Variants in MARCHF10 observed in about 807,000 individuals in gnomAD.
The protein encoded by MARCHF10 is membrane associated ring-CH-type finger 10.
Under a neutral mutation model 76.2 loss-of-function variants are expected in MARCHF10, and 64 were observed. The observed-to-expected ratio is 0.84, with a 90% CI of 0.69 to 1.03. The LOEUF (loss-of-function observed/expected upper bound fraction) is 1.03, where lower values mean the gene tolerates loss of function less well. MARCHF10 is among the 50% of genes least tolerant of loss of function. The pLI is 0.00. For missense variants in MARCHF10, 875 were observed against 958.0 expected, an observed-to-expected ratio of 0.91 and a Z score of 1.14; for synonymous variants, 340 against 357.5, an observed-to-expected ratio of 0.95 and a Z score of 0.55.
chr17:62,760,624 C>T (rs747900165), intron 3 of MARCHF10, among the ~76,000 whole-genome samples: 18 of 152,136 alleles, frequency 1.2e-4, no homozygotes, highest in African/African-American at 2.4e-4. Flanking sequence ...GCCATGCCGA[C>T]GCAATAAAAA....
At chr17:62,753,952 C>A (rs2091968818) in intron 4 of MARCHF10, among the ~76,000 whole-genome samples, 1 of 152,214 alleles carries the variant, frequency 6.6e-6, no homozygotes, top group Non-Finnish European at 1.5e-5. Context: ...TGGTATCATA[C>A]ACCCTGGGAC....
rs746789928 is a variant in MARCHF10, at chr17:62,711,299, G to C, written c.2260C>G (p.Leu754Val). ...MNSGLYLVLL[L>V]HLYEQRFAEL... Reference sequence around the variant, plus strand: ...GCAAACCTCTGCTCATAGAGGTGAAGCAGCAGCACCAGGTACAAGCCTGAA... The same window carrying C: ...GCAAACCTCTGCTCATAGAGGTGAACCAGCAGCACCAGGTACAAGCCTGAA... Residue 754 changes from leucine to valine, a missense_variant, in exon 9 of 11, where the codon CTT becomes GTT. Transcript: ENST00000311269. This position sits in a 1 kb window ranked among gnomAD's most constrained non-coding sequence, Gnocchi z 4.4. The C allele has an allele frequency of 6.2e-7, 1 of 1,614,164 alleles. No homozygotes were observed. The highest frequency in any genetic ancestry group is 2.2e-5 in the East Asian group (1 of 44,884).
chr17:62,777,713 CAAAAAAAAAAAAAAG>C (rs1479194150), intron 3 of MARCHF10, among the ~76,000 whole-genome samples: 1 of 59,664 alleles, frequency 1.7e-5, no homozygotes, highest in Non-Finnish European at 3.1e-5. Flanking sequence ...GACTCCATCT[CAAAAAAAAAAAAAAG>C]AAAAAAAAAA....
chr17:62,708,339 G>C (rs957436172), intron 9 of MARCHF10, among the ~76,000 whole-genome samples: 2 of 151,162 alleles, frequency 1.3e-5, no homozygotes, highest in Non-Finnish European at 2.9e-5. Flanking sequence ...TCTGCCTCCC[G>C]GGTTCACGCC....
At chr17:62,764,034 G>T (rs957115612) in intron 3 of MARCHF10, among the ~76,000 whole-genome samples, 1 of 152,148 alleles carries the variant, frequency 6.6e-6, no homozygotes, top group Non-Finnish European at 1.5e-5. Context: ...GTGAGGTAAT[G>T]ACATCATGGT....
Position 62,712,286 on chromosome 17 carries a change from C to T in MARCHF10, c.2215-942G>A, listed in dbSNP as rs1423396880. 6.6e-6 allele frequency among the ~76,000 whole-genome samples: 1 copy of T among 152,260 alleles called. No homozygotes were observed. Among genetic ancestry groups the T allele is most frequent in the South Asian group, 2.1e-4 (1 of 4,832 alleles). ...GCAGAGGGCATGGCCCCTTCCGTCA[C>T]CCTTGGGAAAGCTTGCAACTGTGAC... On this transcript the variant is annotated intron_variant, in intron 8 of 10. Transcript: ENST00000311269. The surrounding 1 kb of genome is among the most constrained non-coding windows in gnomAD (Gnocchi z 4.2).
At chr17:62,792,710 A>AACCATCACCACCACCACC (rs1481023675) in intron 2 of MARCHF10, among the ~76,000 whole-genome samples, 3 of 80,352 alleles carry the variant, frequency 3.7e-5, no homozygotes, top group Non-Finnish European at 7.8e-5. Flanking sequence ...CCATCACTAC[A>AACCATCACCACCACCACC]ACCATCACCA....
intron 5 of MARCHF10, among the ~76,000 whole-genome samples, chr17:62,743,862 C>T (rs929141836): frequency 3.9e-5 from 6 of 152,186 alleles, no homozygotes; most frequent in Non-Finnish European, 5.9e-5. Context: ...ACATCATGAT[C>T]TCTCTGAGTT....
At position 62,768,143 on chromosome 17, in the gene MARCHF10, T is replaced by C. The variant is rs185631819; in HGVS notation, c.211-8137A>G. Among the ~76,000 whole-genome samples the C allele has an allele frequency of 2.0e-5, 3 of 152,344 alleles. No individual in the cohort carries two copies. In the East Asian group the frequency reaches 5.8e-4, roughly 29 times the overall value. ...CCAGGACTGTCACGTGTGCAAGAGA[T>C]ACACTTTTATCTTGTCGACTGAGCC... On this transcript the variant is annotated intron_variant, in intron 3 of 10. Coordinates refer to ENST00000311269, the MANE Select transcript of MARCHF10 (RefSeq NM_152598.4).
At chr17:62,702,568 A>G (rs1042571622) in intron 10 of MARCHF10, among the ~76,000 whole-genome samples, 1 of 152,144 alleles carries the variant, frequency 6.6e-6, no homozygotes, top group East Asian at 1.9e-4. Context: ...TAGGAGGTTG[A>G]GGCAGGAGAA....
intron 4 of MARCHF10, among the ~76,000 whole-genome samples, chr17:62,758,195 T>A (rs2092100052): frequency 6.6e-6 from 1 of 152,152 alleles, no homozygotes; most frequent in South Asian, 2.1e-4. Context: ...AGATCAGAAG[T>A]TCGAGACCAG....
intron 2 of MARCHF10, among the ~76,000 whole-genome samples, chr17:62,790,795 A>C (rs929165727): frequency 6.6e-6 from 1 of 152,188 alleles, no homozygotes; most frequent in Non-Finnish European, 1.5e-5. Context: ...ATACTAACAA[A>C]ACATTTACTC....
At chr17:62,807,627 G>A (rs1195049577) in intron 1 of MARCHF10, among the ~76,000 whole-genome samples, 1 of 152,098 alleles carries the variant, frequency 6.6e-6, no homozygotes, top group African/African-American at 2.4e-5. Context: ...AGCCAGACAT[G>A]GTGTTGGCCT....
intron 9 of MARCHF10, among the ~76,000 whole-genome samples, chr17:62,707,790 T>C (rs1249740723): frequency 6.6e-6 from 1 of 152,248 alleles, no homozygotes; most frequent in African/African-American, 2.4e-5. Context: ...AAGGAGTGTC[T>C]TAATCATCTT....
In MARCHF10 at chr17:62,705,202, A is replaced by T. The variant is rs1009711028; in HGVS notation, c.2371+337T>A. On this transcript the variant is annotated intron_variant, in intron 10 of 10. Transcript: ENST00000311269. ...CTAGAGGAATCCTGGCAGTAAAAAA[A>T]CCAACCCCCAAACTCTCCAAGTGCT... The T allele has an allele frequency of 4.8e-6, 6 of 1,244,538 alleles. No individual in the cohort carries two copies. In the Admixed American group the frequency reaches 2.0e-4, roughly 42 times the overall value. 77.1% of individuals were successfully genotyped at this position (1,244,538 alleles called of 1,614,324 possible).
intron 3 of MARCHF10, among the ~76,000 whole-genome samples, chr17:62,779,244 G>A (rs555821579): frequency 3.9e-5 from 6 of 152,290 alleles, no homozygotes; most frequent in Admixed American, 2.0e-4. Flanking sequence ...GTGTGCATGC[G>A]CGACCTGCCT....
intron 3 of MARCHF10, among the ~76,000 whole-genome samples, chr17:62,787,368 A>C (rs1357316672): frequency 6.6e-6 from 1 of 152,166 alleles, no homozygotes. Context: ...GATTGATATC[A>C]CGTATTCAGG....
intron 8 of MARCHF10, among the ~76,000 whole-genome samples, chr17:62,718,363 G>C (rs899545958): frequency 2.0e-5 from 3 of 152,196 alleles, no homozygotes; most frequent in Admixed American, 2.0e-4. Context: ...ATGTGCTGCT[G>C]TTGGGTCAGT....
chr17:62,805,560 C>T (rs2093149892), intron 1 of MARCHF10, among the ~76,000 whole-genome samples: 1 of 152,146 alleles, frequency 6.6e-6, no homozygotes, highest in Non-Finnish European at 1.5e-5. Flanking sequence ...CATGAAATAA[C>T]TTTGTCTAAA....
Sources: allele counts gnomAD v4.1 joint callset (sites outside exome capture counted in the v4.1 genomes callset), GRCh38; gene constraint gnomAD v4.1.1; non-coding constraint Gnocchi (gnomAD v3.1); transcripts MANE v1.5; gene names NCBI Gene and HGNC (gene_info 2026-07-23, HGNC 2026-07-21).